Variants in HOXB3 observed in about 807,000 individuals in gnomAD.
The protein encoded by HOXB3 is homeobox protein Hox-B3.
A neutral mutation model predicts 29.2 loss-of-function variants in HOXB3; 17 were observed. The observed-to-expected ratio is 0.58, with a 90% CI of 0.40 to 0.87. The LOEUF is 0.87. HOXB3 is among the 40% of genes least tolerant of loss of function. The pLI is 0.00. For synonymous variants in HOXB3, 317 were observed against 285.9 expected (o/e 1.11, Z -1.10); for missense variants, 637 against 616.3 (o/e 1.03, Z -0.35).
chr17:48,580,673 T>C (rs2069915281), intron 1 of HOXB3: 1 of 152,172 alleles, frequency 6.6e-6, no homozygotes, highest in Non-Finnish European at 1.5e-5. Context: ...CCAGATGATA[T>C]AGGGCCCCTC....
intron 2 of HOXB3, among the ~76,000 whole-genome samples, chr17:48,557,664 A>G (rs1056400672): frequency 4.6e-5 from 7 of 152,172 alleles, no homozygotes; most frequent in African/African-American, 1.7e-4. Context: ...TCCCACCTAG[A>G]AAGTTGACAG....
At chr17:48,580,040 C>G (rs1473789453) in intron 1 of HOXB3, 1 of 425,310 alleles carries the variant, frequency 2.4e-6, no homozygotes, top group Non-Finnish European at 4.7e-6. Flanking sequence ...TCGTTTTGTT[C>G]TAGTTTTGAG....
intron 1 of HOXB3, chr17:48,577,991 C>A (rs1285816654): frequency 2.3e-6 from 3 of 1,301,108 alleles, no homozygotes; most frequent in Non-Finnish European, 2.9e-6. Context: ...GACCGCCTCG[C>A]AGCGCTGGCC....
At position 48,550,179 on chromosome 17, in the gene HOXB3, G is replaced by A. The variant is rs1195807070; in HGVS notation, c.*155C>T. 30 of 963,286 alleles carry A rather than the reference G, an allele frequency of 3.1e-5. No individual in the cohort carries two copies. The highest frequency in any genetic ancestry group is 4.2e-5 in the Non-Finnish European group (28 of 661,324). 59.7% of individuals were successfully genotyped at this position (963,286 alleles called of 1,614,324 possible). ...GGAAGACTTAAAAGCAACCTCTCAG[G>A]CCAGGGGGAAGGGAAGGAGCTCCAG... is the stretch of plus-strand genomic sequence containing the variant. On this transcript the variant is annotated 3_prime_UTR_variant, in exon 5 of 5. Transcript: ENST00000498678.
intron 1 of HOXB3, among the ~76,000 whole-genome samples, chr17:48,589,744 G>T (rs2070114073): frequency 6.6e-6 from 1 of 152,120 alleles, no homozygotes. Flanking sequence ...GTTTCTTTCC[G>T]GAGGATGGGG....
At chr17:48,556,097 A>T (rs928656195) in intron 2 of HOXB3, among the ~76,000 whole-genome samples, 7 of 152,006 alleles carry the variant, frequency 4.6e-5, no homozygotes, top group African/African-American at 1.7e-4. Context: ...GGGAAATTTT[A>T]AAATACCCGC....
chr17:48,564,235 C>T (rs1025308837), intron 2 of HOXB3, among the ~76,000 whole-genome samples: 1 of 151,804 alleles, frequency 6.6e-6, no homozygotes, highest in Non-Finnish European at 1.5e-5. Context: ...TCCGCTAGGG[C>T]GCGGGCAACG....
intron 2 of HOXB3, among the ~76,000 whole-genome samples, chr17:48,559,201 A>G (rs2069110078): frequency 6.6e-6 from 1 of 152,080 alleles, no homozygotes; most frequent in Non-Finnish European, 1.5e-5. Context: ...CTCTGGAACA[A>G]TCAAGGGCTA....
chr17:48,569,878 T>A (rs2069525399), intron 2 of HOXB3, among the ~76,000 whole-genome samples: 1 of 152,192 alleles, frequency 6.6e-6, no homozygotes, highest in African/African-American at 2.4e-5. Context: ...TTCCCTGTTG[T>A]GTTGTTACTA....
At chr17:48,558,969 AAG>A (rs1178032482) in intron 2 of HOXB3, among the ~76,000 whole-genome samples, 1 of 151,762 alleles carries the variant, frequency 6.6e-6, no homozygotes, top group Non-Finnish European at 1.5e-5. Flanking sequence ...AAGGAGGAGA[AAG>A]AGAAATTGAA....
chr17:48,556,890 A>T (rs2069015846), intron 2 of HOXB3: 1 of 152,058 alleles, frequency 6.6e-6, no homozygotes, highest in South Asian at 2.1e-4. Context: ...GAAGATGGTT[A>T]TTATTATTAT....
chr17:48,580,509 A>G (rs2069911305), intron 1 of HOXB3: 1 of 151,932 alleles, frequency 6.6e-6, no homozygotes, highest in Non-Finnish European at 1.5e-5. Flanking sequence ...CAGTGGTAAA[A>G]AGAGAGAGAA....
Position 48,550,836 on chromosome 17 carries a change from G to A in HOXB3, c.794C>T (p.Pro265Leu). 1 of 1,613,852 alleles carries A rather than the reference G, an allele frequency of 6.2e-7. No individual in the cohort carries two copies. Among genetic ancestry groups the A allele is most frequent in the Non-Finnish European group, 8.5e-7 (1 of 1,179,898 alleles). ...GGCCGTGGACTGCATGGGCTGCGGGGGGCTGCCGGCTGGAGATGGGCCCCC... is the reference window on the plus strand; with the variant it reads ...GGCCGTGGACTGCATGGGCTGCGGGAGGCTGCCGGCTGGAGATGGGCCCCC... ...SSGGPSPAGS[P>L]PQPMQSTAGF... Residue 265 changes from proline to leucine, a missense_variant, in exon 5 of 5, where the codon CCC becomes CTC. Pro to Leu is a moderately conservative substitution (Grantham distance 98). Coordinates refer to ENST00000498678, the MANE Select transcript of HOXB3 (RefSeq NM_001384749.1).
chr17:48,577,932 TG>T (rs756515553), intron 1 of HOXB3: 2 of 1,360,826 alleles, frequency 1.5e-6, no homozygotes, highest in Admixed American at 3.0e-5. Flanking sequence ...TGGGACGGGC[TG>T]GGGTGCAGGG....
In HOXB3 at chr17:48,550,607, G is replaced by A; in HGVS notation, c.1023C>T (p.Tyr341=). Residue 341 remains tyrosine (Y), a synonymous_variant, in exon 5 of 5, where the codon TAC becomes TAT. Coordinates refer to ENST00000498678, the MANE Select transcript of HOXB3 (RefSeq NM_001384749.1). ...PHVLQANGGA[Y]GTPTMQGSPV... ...GACTGCCCTGCATGGTGGGCGTCCCGTAGGCGCCCCCGTTGGCTTGGAGGA... is the reference window on the plus strand; with the variant it reads ...GACTGCCCTGCATGGTGGGCGTCCCATAGGCGCCCCCGTTGGCTTGGAGGA... 1 of 1,521,150 alleles carries A rather than the reference G, an allele frequency of 6.6e-7. No individual in the cohort carries two copies. The highest frequency in any genetic ancestry group is 8.8e-7 in the Non-Finnish European group (1 of 1,139,768). 94.2% of individuals were successfully genotyped at this position (1,521,150 alleles called of 1,614,324 possible). A position where few individuals can be genotyped will look rare whatever the true frequency, so the allele number is the denominator to read the frequency against.
In HOXB3 at chr17:48,552,284, G is replaced by A. The variant is rs1176403841; in HGVS notation, c.191C>T (p.Ala64Val). Residue 64 changes from alanine to valine, a missense_variant, in exon 4 of 5, where the codon GCC becomes GTC. Coordinates refer to ENST00000498678, the MANE Select transcript of HOXB3 (RefSeq NM_001384749.1). ...LQSLGNAAPHAKSKELNGSCM... is the reference protein window; with the variant it reads ...LQSLGNAAPHVKSKELNGSCM... ...GCTGCCGTTGAGCTCCTTGCTCTTG[G>A]CATGTGGGGCAGCGTTGCCCAGGGA... The A allele has an allele frequency of 1.2e-6, 2 of 1,614,004 alleles. No individual in the cohort carries two copies. The highest frequency in any genetic ancestry group is 2.2e-5 in the East Asian group (1 of 44,880).
At chr17:48,583,282 C>T (rs1232467738) in intron 1 of HOXB3, among the ~76,000 whole-genome samples, 1 of 152,144 alleles carries the variant, frequency 6.6e-6, no homozygotes. Flanking sequence ...AAAACAATAG[C>T]TTCCCCCTCC....
At chr17:48,572,139 A>G (rs533508452) in intron 2 of HOXB3, among the ~76,000 whole-genome samples, 2 of 152,128 alleles carry the variant, frequency 1.3e-5, no homozygotes, top group Non-Finnish European at 2.9e-5. Context: ...TCCTTCACCT[A>G]TTTCTTAAAA....
chr17:48,568,441 T>C (rs1313863995), intron 2 of HOXB3, among the ~76,000 whole-genome samples: 1 of 152,204 alleles, frequency 6.6e-6, no homozygotes, highest in Non-Finnish European at 1.5e-5. Flanking sequence ...TAACTGCTGA[T>C]ATATTACTGT....
Sources: gnomAD v4.1 joint callset for allele counts (sites outside exome capture counted in the v4.1 genomes callset) on GRCh38, gnomAD v4.1.1 for gene constraint, MANE v1.5 for transcripts, NCBI Gene and HGNC (gene_info 2026-07-23, HGNC 2026-07-21) for gene names.